Variants in ADAM22 observed in about 807,000 individuals in gnomAD.
ADAM22 encodes the protein disintegrin and metalloproteinase domain-containing protein 22.
ADAM22 carries 65 observed loss-of-function variants against 144.6 expected under a neutral mutation model. The ratio of observed to expected loss-of-function variants is 0.45; its 90% CI spans 0.37 to 0.55. The LOEUF (loss-of-function observed/expected upper bound fraction) is 0.55. Among genes scored for constraint, ADAM22 ranks in the 20% least tolerant of loss-of-function variants. The probability of loss-of-function intolerance (pLI) is 0.00; values close to 1 mark genes in which losing one functional copy is unlikely to be tolerated. For synonymous variants in ADAM22, 391 were observed against 412.6 expected (o/e 0.95, Z 0.63); for missense variants, 974 against 1,184.9 (o/e 0.82, Z 2.61).
At chr7:87,956,233 A>T (rs1376144069) in intron 2 of ADAM22, among the ~76,000 whole-genome samples, 1 of 152,086 alleles carries the variant, frequency 6.6e-6, no homozygotes, top group Non-Finnish European at 1.5e-5. Flanking sequence ...TCACGCTGGG[A>T]GCTGTAGACC....
chr7:87,941,760 T>G (rs1842524462), intron 2 of ADAM22, among the ~76,000 whole-genome samples: 1 of 152,206 alleles, frequency 6.6e-6, no homozygotes, highest in Admixed American at 6.5e-5. Flanking sequence ...TCTTTAAAAT[T>G]CTACCTAATG....
chr7:87,940,134 A>ATGGTGCCAC (rs1182481848), intron 2 of ADAM22, among the ~76,000 whole-genome samples: 1 of 145,094 alleles, frequency 6.9e-6, no homozygotes, highest in East Asian at 2.2e-4. Flanking sequence ...GTGAGCAGAG[A>ATGGTGCCAC]TGGTGCCACT....
At chr7:87,934,654 G>C in intron 1 of ADAM22, 104 bp downstream of exon 1, 2 of 1,101,392 alleles carry the variant, frequency 1.8e-6, no homozygotes, top group Non-Finnish European at 2.5e-6. Flanking sequence ...CCGAGTGCGC[G>C]GGGAGATTTT....
At chr7:88,040,351 C>T (rs1307462990) in intron 3 of ADAM22, among the ~76,000 whole-genome samples, 3 of 151,872 alleles carry the variant, frequency 2.0e-5, no homozygotes, top group Non-Finnish European at 4.4e-5. Context: ...AGGCTGGTCT[C>T]GAACTCCTGA....
At chr7:88,139,684 T>G (rs1479970317) in intron 14 of ADAM22, among the ~76,000 whole-genome samples, 1 of 152,122 alleles carries the variant, frequency 6.6e-6, no homozygotes, top group Non-Finnish European at 1.5e-5. Context: ...ATTTTATTAC[T>G]TTTAACAAGC....
At chr7:88,179,860 T>G (rs1846554437) in intron 27 of ADAM22, among the ~76,000 whole-genome samples, 1 of 152,110 alleles carries the variant, frequency 6.6e-6, no homozygotes, top group Non-Finnish European at 1.5e-5. Context: ...GTGGGAGAAT[T>G]TATTTATTTA....
chr7:88,017,194 A>G lies in ADAM22; in HGVS notation c.323+38782A>G, dbSNP rs141154800. On this transcript the variant is annotated intron_variant, in intron 3 of 31. Transcript: ENST00000413139. Reference sequence around the variant, plus strand: ...CAGCTAGATAAGAGGAATAAGTTCTAGTGCTTTATAGCACCGTAGGGTGAA... The same window carrying G: ...CAGCTAGATAAGAGGAATAAGTTCTGGTGCTTTATAGCACCGTAGGGTGAA... Among the ~76,000 whole-genome samples the G allele has an allele frequency of 6.1e-3, 935 of 152,340 alleles. 47 individuals carry two copies. Among genetic ancestry groups the G allele is most frequent in the Admixed American group, 0.058 (881 of 15,296 alleles).
chr7:88,064,868 T>A (rs1362918321), intron 3 of ADAM22, among the ~76,000 whole-genome samples: 3 of 152,126 alleles, frequency 2.0e-5, no homozygotes, highest in Admixed American at 6.6e-5. Context: ...CATGTTGTTA[T>A]GTGGATCAGA....
chr7:87,963,659 C>T (rs879335343), intron 2 of ADAM22, among the ~76,000 whole-genome samples: 10 of 152,254 alleles, frequency 6.6e-5, no homozygotes, highest in Middle Eastern at 3.4e-3. Flanking sequence ...CAGCACAGAA[C>T]ATGAAGAAAA....
intron 5 of ADAM22, among the ~76,000 whole-genome samples, chr7:88,111,938 T>C (rs1373187766): frequency 1.3e-5 from 2 of 152,216 alleles, no homozygotes; most frequent in African/African-American, 2.4e-5. Flanking sequence ...GACTTTCTCA[T>C]TGGACATTAA....
At chr7:88,028,529 T>C (rs1454041247) in intron 3 of ADAM22, among the ~76,000 whole-genome samples, 1 of 152,162 alleles carries the variant, frequency 6.6e-6, no homozygotes, top group African/African-American at 2.4e-5. Flanking sequence ...GTCTGATGTT[T>C]CCTTGTTGAT....
At chr7:88,005,798 T>C (rs1035377255) in intron 3 of ADAM22, among the ~76,000 whole-genome samples, 2 of 152,062 alleles carry the variant, frequency 1.3e-5, no homozygotes, top group African/African-American at 2.4e-5. Context: ...AAGAAAAAAA[T>C]ATAAAATTAT....
intron 2 of ADAM22, among the ~76,000 whole-genome samples, chr7:87,936,241 A>G (rs1465485622): frequency 6.6e-6 from 1 of 151,564 alleles, no homozygotes; most frequent in Non-Finnish European, 1.5e-5. Flanking sequence ...GAAGGTGGGA[A>G]ATTAGCTTAA....
chr7:88,164,555 TC>T (rs1842519168), intron 23 of ADAM22, among the ~76,000 whole-genome samples: 1 of 152,074 alleles, frequency 6.6e-6, no homozygotes, highest in South Asian at 2.1e-4. Flanking sequence ...GGGCTTGCAA[TC>T]ATATAGCCTG....
At chr7:88,092,657 G>A (rs1006167141) in intron 4 of ADAM22, among the ~76,000 whole-genome samples, 4 of 152,154 alleles carry the variant, frequency 2.6e-5, no homozygotes, top group African/African-American at 7.2e-5. Context: ...AAAAAATTTG[G>A]GGGGATTAAG....
chr7:88,076,269 C>A (rs911147562), intron 4 of ADAM22, among the ~76,000 whole-genome samples: 3 of 152,142 alleles, frequency 2.0e-5, no homozygotes, highest in Non-Finnish European at 4.4e-5. Context: ...AACTTCAGAC[C>A]TCAGGTGATC....
Position 88,193,196 on chromosome 7 carries a change from C to T in ADAM22, c.2831C>T (p.Pro944Leu). ...AGAAAATACCCTTACCCAATGCCTC[C>T]ACTTCCTGATGAGGACAAGAAAGTG... ...SSRKYPYPMPPLPDEDKKVNR... is the reference protein window; with the variant it reads ...SSRKYPYPMPLLPDEDKKVNR... The change falls in exon 31 of 32, where the codon CCA becomes CTA. Residue 944 changes from proline (P) to leucine (L), a missense_variant. Transcript: ENST00000413139. 6.2e-7 allele frequency: 1 copy of T among 1,614,106 alleles called. No homozygotes were observed. The highest frequency in any genetic ancestry group is 8.5e-7 in the Non-Finnish European group (1 of 1,179,960).
At chr7:88,049,208 C>G (rs1805511244) in intron 3 of ADAM22, among the ~76,000 whole-genome samples, 2 of 152,268 alleles carry the variant, frequency 1.3e-5, no homozygotes, top group Non-Finnish European at 2.9e-5. Context: ...TTGGGAAATC[C>G]CTAACATCTC....
intron 3 of ADAM22, among the ~76,000 whole-genome samples, chr7:87,980,411 T>C (rs1853079854): frequency 6.6e-6 from 1 of 151,900 alleles, no homozygotes; most frequent in Admixed American, 6.6e-5. Context: ...ATTTTGTTTT[T>C]CGTGGTTTCA....
Sources: gnomAD v4.1 joint callset for allele counts (sites outside exome capture counted in the v4.1 genomes callset) on GRCh38, gnomAD v4.1.1 for gene constraint, MANE v1.5 for transcripts, NCBI Gene and HGNC (gene_info 2026-07-23, HGNC 2026-07-21) for gene names.